The following GRIK1 variants were observed in gnomAD, a reference collection of about 807,000 sequenced individuals.
GRIK1 encodes the protein glutamate ionotropic receptor kainate type subunit 1.
GRIK1 carries 69 observed loss-of-function variants against 105.7 expected under a neutral mutation model. That is an observed-to-expected ratio of 0.65 (90% CI 0.54 to 0.80). The LOEUF (loss-of-function observed/expected upper bound fraction) is 0.80, where lower values mean the gene tolerates loss of function less well. Ranked by LOEUF, GRIK1 falls within the 30% of genes least tolerant of loss-of-function variation. The pLI is 0.00. For synonymous variants in GRIK1, 438 were observed against 431.3 expected, an observed-to-expected ratio of 1.02 and a Z score of -0.19; for missense variants, 1,109 against 1,167.3, an observed-to-expected ratio of 0.95 and a Z score of 0.73.
At chr21:29,891,256 T>A (rs895551730) in intron 1 of GRIK1, among the ~76,000 whole-genome samples, 2 of 152,148 alleles carry the variant, frequency 1.3e-5, no homozygotes, top group Non-Finnish European at 2.9e-5. Flanking sequence ...AAGTGAAATA[T>A]CTCTAGCAGG....
intron 7 of GRIK1, among the ~76,000 whole-genome samples, chr21:29,614,130 G>T (rs1174516639): frequency 6.6e-6 from 1 of 152,026 alleles, no homozygotes; most frequent in East Asian, 1.9e-4. Context: ...GCACTAGCCT[G>T]GTGATAGATT....
intron 15 of GRIK1, among the ~76,000 whole-genome samples, chr21:29,559,310 T>C (rs363500): frequency 0.75 from 114,551 of 152,004 alleles, 43,227 homozygotes; most frequent in Middle Eastern, 0.81. Flanking sequence ...AATGAGGTGG[T>C]GAAGCTTGCT....
intron 1 of GRIK1, among the ~76,000 whole-genome samples, chr21:29,822,247 G>A (rs2145928777): frequency 6.6e-6 from 1 of 152,088 alleles, no homozygotes; most frequent in Non-Finnish European, 1.5e-5. Flanking sequence ...AAACAAAATG[G>A]GCATGGTTGT....
At chr21:29,650,859 C>A (rs363582) in intron 6 of GRIK1, among the ~76,000 whole-genome samples, 12,133 of 152,240 alleles carry the variant, frequency 0.08, 563 homozygotes, top group Non-Finnish European at 0.093. Flanking sequence ...TGTCCTTGCA[C>A]TGGTTTGGCT....
chr21:29,606,741 A>G (rs2061628460), intron 7 of GRIK1, among the ~76,000 whole-genome samples: 1 of 152,058 alleles, frequency 6.6e-6, no homozygotes, highest in Admixed American at 6.6e-5. Context: ...GTCCTAGAGC[A>G]AACCCTAAGT....
chr21:29,836,664 G>A (rs1201637190), intron 1 of GRIK1, among the ~76,000 whole-genome samples: 1 of 151,706 alleles, frequency 6.6e-6, no homozygotes, highest in Non-Finnish European at 1.5e-5. Flanking sequence ...CATGTGTAAT[G>A]TTGCATATAT....
intron 8 of GRIK1, among the ~76,000 whole-genome samples, chr21:29,598,226 A>G (rs57043856): frequency 0.012 from 1,888 of 152,354 alleles, 41 homozygotes; most frequent in African/African-American, 0.043. Context: ...ATTACTCTAA[A>G]TAATAACTAA....
At chr21:29,744,655 C>T (rs1184933060) in intron 1 of GRIK1, among the ~76,000 whole-genome samples, 1 of 151,638 alleles carries the variant, frequency 6.6e-6, no homozygotes, top group African/African-American at 2.4e-5. Flanking sequence ...TCAGGATAGA[C>T]TTCACTTGTT....
chr21:29,894,099 A>G (rs996685517), intron 1 of GRIK1, among the ~76,000 whole-genome samples: 8 of 152,158 alleles, frequency 5.3e-5, no homozygotes, highest in African/African-American at 1.9e-4. Context: ...CACAAAGTGG[A>G]TTGATGAAGA....
intron 12 of GRIK1, among the ~76,000 whole-genome samples, chr21:29,584,218 A>C (rs1246495419): frequency 6.6e-6 from 1 of 152,128 alleles, no homozygotes; most frequent in Non-Finnish European, 1.5e-5. Flanking sequence ...AAATCCATTC[A>C]TCTTTCAAGG....
At chr21:29,872,193 T>TA (rs1491254073) in intron 1 of GRIK1, among the ~76,000 whole-genome samples, 1 of 15,070 alleles carries the variant, frequency 6.6e-5, no homozygotes, top group Non-Finnish European at 3.5e-4. Flanking sequence ...CTCTCACTTC[T>TA]TTTTTTTTTT....
intron 1 of GRIK1, among the ~76,000 whole-genome samples, chr21:29,757,945 G>A (rs796541229): frequency 5.0e-4 from 76 of 152,362 alleles, no homozygotes; most frequent in African/African-American, 1.7e-3. Context: ...ATTAGACAGC[G>A]TAGGCTATCT....
intron 1 of GRIK1, among the ~76,000 whole-genome samples, chr21:29,718,661 G>A (rs1458174395): frequency 1.3e-5 from 2 of 152,226 alleles, no homozygotes; most frequent in African/African-American, 4.8e-5. Context: ...ATAGGTCAGA[G>A]CTTGGAAAGC....
At chr21:29,834,042 G>T (rs2067712635) in intron 1 of GRIK1, among the ~76,000 whole-genome samples, 1 of 151,938 alleles carries the variant, frequency 6.6e-6, no homozygotes, top group African/African-American at 2.4e-5. Flanking sequence ...ATTACAAAGG[G>T]TTTATTGCAA....
At chr21:29,694,966 CTTTTCTTT>C (rs1383612677) in intron 1 of GRIK1, among the ~76,000 whole-genome samples, 1 of 151,864 alleles carries the variant, frequency 6.6e-6, no homozygotes, top group South Asian at 2.1e-4. Flanking sequence ...TTTTTTCTTT[CTTTTCTTT>C]TTTTCTTTCT....
intron 2 of GRIK1, among the ~76,000 whole-genome samples, chr21:29,690,208 A>G (rs1265867274): frequency 6.6e-5 from 10 of 152,178 alleles, no homozygotes; most frequent in Non-Finnish European, 1.5e-5. Context: ...CTTAGAACTG[A>G]TTAGCAATAT....
chr21:29,900,547 C>T (rs908187826), intron 1 of GRIK1, among the ~76,000 whole-genome samples: 1 of 150,898 alleles, frequency 6.6e-6, no homozygotes, highest in African/African-American at 2.4e-5. Context: ...AGAGACAAGG[C>T]CATTACATAA....
At chr21:29,717,483 G>T (rs2064207009) in intron 1 of GRIK1, among the ~76,000 whole-genome samples, 1 of 152,232 alleles carries the variant, frequency 6.6e-6, no homozygotes, top group Admixed American at 6.5e-5. Flanking sequence ...TTTTACATCA[G>T]CATGACCTAG....
intron 13 of GRIK1, among the ~76,000 whole-genome samples, chr21:29,580,681 T>C (rs1430815976): frequency 6.6e-6 from 1 of 152,092 alleles, no homozygotes; most frequent in East Asian, 1.9e-4. Context: ...ACAGTTTCTG[T>C]GACTTATGAT....
Sources: gnomAD v4.1 joint callset for allele counts (sites outside exome capture counted in the v4.1 genomes callset) on GRCh38, gnomAD v4.1.1 for gene constraint, MANE v1.5 for transcripts, NCBI Gene and HGNC (gene_info 2026-07-23, HGNC 2026-07-21) for gene names.